Variants in SLC22A25 observed in about 807,000 individuals in gnomAD.
SLC22A25 encodes solute carrier family 22 member 25, also known as MGI:2442751, MGI:2385316, MGI:3042283, MGI:3645714, MGI:3605624, MGI:2442750.
SLC22A25 carries 44 observed loss-of-function variants against 45.9 expected under a neutral mutation model. The ratio of observed to expected loss-of-function variants is 0.96; its 90% CI spans 0.75 to 1.23. The LOEUF (loss-of-function observed/expected upper bound fraction) is 1.23. Among genes scored for constraint, SLC22A25 ranks in the 50% most tolerant of loss-of-function variants. The pLI, the probability that SLC22A25 is intolerant of heterozygous loss-of-function variation, is 0.00. For missense variants in SLC22A25, 800 were observed against 666.4 expected, an observed-to-expected ratio of 1.20 and a Z score of -2.21; for synonymous variants, 283 against 238.6, an observed-to-expected ratio of 1.19 and a Z score of -1.72.
intron 10 of SLC22A25, among the ~76,000 whole-genome samples, chr11:63,165,327 AG>A (rs2087642931): frequency 6.6e-6 from 1 of 152,174 alleles, no homozygotes; most frequent in African/African-American, 2.4e-5. Flanking sequence ...ATTCAAGAGG[AG>A]AACTGGAGCA....
chr11:63,188,155 G>A (rs1391012217), intron 7 of SLC22A25, among the ~76,000 whole-genome samples: 4 of 152,150 alleles, frequency 2.6e-5, no homozygotes, highest in Admixed American at 2.6e-4. Flanking sequence ...GTAGAATTCG[G>A]CTGTGAATCC....
At chr11:63,166,974 T>G in intron 9 of SLC22A25, 2 of 531,008 alleles carry the variant, frequency 3.8e-6, no homozygotes, top group Non-Finnish European at 4.8e-6. Context: ...CCAACTGAGG[T>G]ACCCGGTTCA....
At chr11:63,188,034 T>A (rs1445960654) in intron 7 of SLC22A25, among the ~76,000 whole-genome samples, 1 of 152,206 alleles carries the variant, frequency 6.6e-6, no homozygotes, top group Non-Finnish European at 1.5e-5. Flanking sequence ...TGCCAGGCTT[T>A]GGTATCAGGA....
chr11:63,194,398 C>A (rs376872326), intron 7 of SLC22A25, among the ~76,000 whole-genome samples: 1 of 151,962 alleles, frequency 6.6e-6, no homozygotes, highest in Non-Finnish European at 1.5e-5. Context: ...ATGTTAAGGG[C>A]AGCCACAGAG....
intron 7 of SLC22A25, among the ~76,000 whole-genome samples, chr11:63,215,392 T>C (rs969535261): frequency 6.6e-6 from 1 of 152,046 alleles, no homozygotes; most frequent in Non-Finnish European, 1.5e-5. Flanking sequence ...TGAGGACACA[T>C]GGACACAGGG....
At chr11:63,183,368 C>T (rs556629090) in intron 8 of SLC22A25, among the ~76,000 whole-genome samples, 3 of 152,230 alleles carry the variant, frequency 2.0e-5, no homozygotes, top group East Asian at 3.9e-4. Flanking sequence ...TGAAAGAAGG[C>T]CACAGAATAA....
intron 7 of SLC22A25, among the ~76,000 whole-genome samples, chr11:63,200,176 G>A (rs996635764): frequency 2.0e-5 from 3 of 151,550 alleles, no homozygotes; most frequent in South Asian, 2.1e-4. Context: ...TCATCCTGAC[G>A]CCAAAACCTG....
At chr11:63,178,964 TA>T (rs1199117173) in intron 9 of SLC22A25, among the ~76,000 whole-genome samples, 2 of 128,304 alleles carry the variant, frequency 1.6e-5, no homozygotes, top group Non-Finnish European at 3.4e-5. Flanking sequence ...TTTAAGTCTG[TA>T]ATTTTTTTTT....
Position 63,214,200 on chromosome 11 carries a change from T to G in SLC22A25, c.830+3114A>C, listed in dbSNP as rs138382545. On this transcript the variant is annotated intron_variant, in intron 7 of 11. Coordinates refer to ENST00000306494, the MANE Select transcript of SLC22A25 (RefSeq NM_199352.6). ...TTCTTGGTATCTGCCTCATCCTCCTTTGCCCTTTAACCCAGTTTGTTAGGA... is the reference window on the plus strand; with the variant it reads ...TTCTTGGTATCTGCCTCATCCTCCTGTGCCCTTTAACCCAGTTTGTTAGGA... Among the ~76,000 whole-genome samples, 831 of 152,262 alleles carry G rather than the reference T, an allele frequency of 5.5e-3. 3 individuals are homozygous for G. The highest frequency in any genetic ancestry group is 7.9e-3 in the Non-Finnish European group (537 of 68,016).
intron 7 of SLC22A25, among the ~76,000 whole-genome samples, chr11:63,197,142 G>C (rs1015565157): frequency 6.6e-6 from 1 of 152,150 alleles, no homozygotes; most frequent in East Asian, 1.9e-4. Flanking sequence ...CATGCTTCTG[G>C]ATAGGAAGAA....
intron 3 of SLC22A25, among the ~76,000 whole-genome samples, chr11:63,235,360 C>T (rs964186390): frequency 6.6e-6 from 1 of 152,166 alleles, no homozygotes; most frequent in South Asian, 2.1e-4. Context: ...TTCTTTTTTT[C>T]TCTAAACTTC....
intron 3 of SLC22A25, among the ~76,000 whole-genome samples, chr11:63,234,210 T>C (rs968128401): frequency 3.3e-5 from 5 of 152,204 alleles, no homozygotes; most frequent in African/African-American, 1.2e-4. Context: ...TTCTGTCTCA[T>C]TGATCTGTCT....
At chr11:63,180,032 G>A (rs573835327) in intron 9 of SLC22A25, among the ~76,000 whole-genome samples, 1 of 152,270 alleles carries the variant, frequency 6.6e-6, no homozygotes, top group South Asian at 2.1e-4. Context: ...TTGGGAAGGG[G>A]TTGTCATGTA....
At chr11:63,236,579 C>T (rs920707422) in intron 3 of SLC22A25, among the ~76,000 whole-genome samples, 2 of 152,126 alleles carry the variant, frequency 1.3e-5, no homozygotes, top group Non-Finnish European at 2.9e-5. Context: ...TTCGCTGACC[C>T]CTTGTGCTTC....
chr11:63,220,592 C>A (rs1237598809), intron 5 of SLC22A25, among the ~76,000 whole-genome samples: 2 of 152,192 alleles, frequency 1.3e-5, no homozygotes, highest in Non-Finnish European at 2.9e-5. Flanking sequence ...CCCATCACCT[C>A]AAGCATTTAT....
In SLC22A25 at chr11:63,163,751, G is replaced by T; in HGVS notation, c.*73C>A. 6.5e-7 allele frequency: 1 copy of T among 1,530,058 alleles called. No individual in the cohort carries two copies. 94.8% of individuals were successfully genotyped at this position (1,530,058 alleles called of 1,614,324 possible). A position where few individuals can be genotyped will look rare whatever the true frequency, so the allele number is the denominator to read the frequency against. On this transcript the variant is annotated 3_prime_UTR_variant, in exon 12 of 12. Coordinates refer to ENST00000306494, the MANE Select transcript of SLC22A25 (RefSeq NM_199352.6). Reference sequence around the variant, plus strand: ...CCAAAGGCAAAGGCACTGACTACATGGGAATAGCCCAGATCTAAGCCTTTT... The same window carrying T: ...CCAAAGGCAAAGGCACTGACTACATTGGAATAGCCCAGATCTAAGCCTTTT...
chr11:63,223,380 A>G (rs1006992379), intron 5 of SLC22A25, among the ~76,000 whole-genome samples: 16 of 151,962 alleles, frequency 1.1e-4, no homozygotes, highest in Admixed American at 3.9e-4. Context: ...GAATTTACCC[A>G]TTTCTTGTAT....
chr11:63,164,920 G>GTT (rs532296342), intron 10 of SLC22A25, among the ~76,000 whole-genome samples: 78 of 149,078 alleles, frequency 5.2e-4, no homozygotes, highest in African/African-American at 1.8e-3. Context: ...GAGCTAAAGA[G>GTT]TTTTTTTTTT....
intron 7 of SLC22A25, among the ~76,000 whole-genome samples, chr11:63,190,098 C>A (rs1355671110): frequency 6.6e-6 from 1 of 152,170 alleles, no homozygotes. Flanking sequence ...GCCTGCCTTG[C>A]TAGATTGGGG....
Sources: allele counts gnomAD v4.1 joint callset (sites outside exome capture counted in the v4.1 genomes callset), GRCh38; gene constraint gnomAD v4.1.1; transcripts MANE v1.5; gene names NCBI Gene and HGNC (gene_info 2026-07-23, HGNC 2026-07-21).